Variants in ATP9B observed in about 807,000 individuals in gnomAD.
ATP9B encodes ATPase phospholipid transporting 9B.
In ATP9B, 110 loss-of-function variants were observed where a neutral mutation model predicts 146.1. The observed-to-expected ratio is 0.75, with a 90% CI of 0.65 to 0.88. The LOEUF is 0.88. Among genes scored for constraint, ATP9B ranks in the 40% least tolerant of loss-of-function variants. The pLI, the probability that ATP9B is intolerant of heterozygous loss-of-function variation, is 0.00. For synonymous variants in ATP9B, 604 were observed against 569.7 expected (o/e 1.06, Z -0.86); for missense variants, 1,499 against 1,496.4 (o/e 1.00, Z -0.03).
At chr18:79,334,617 C>G (rs2096811078) in intron 17 of ATP9B, among the ~76,000 whole-genome samples, 1 of 151,546 alleles carries the variant, frequency 6.6e-6, no homozygotes, top group African/African-American at 2.4e-5. Context: ...CCGACACCCC[C>G]TGGGGCTGTC....
At chr18:79,107,978 A>G (rs935704867) in intron 2 of ATP9B, among the ~76,000 whole-genome samples, 1 of 152,182 alleles carries the variant, frequency 6.6e-6, no homozygotes, top group Non-Finnish European at 1.5e-5. Flanking sequence ...GTGTAGTTGC[A>G]GTTGTCTGAG....
chr18:79,198,340 A>C (rs759199088), intron 9 of ATP9B, among the ~76,000 whole-genome samples: 53 of 152,320 alleles, frequency 3.5e-4, no homozygotes, highest in Middle Eastern at 3.4e-3. Flanking sequence ...TACCAACACT[A>C]ATCAAAGCTG....
intron 11 of ATP9B, among the ~76,000 whole-genome samples, chr18:79,218,253 GCTT>G (rs2095646417): frequency 6.6e-6 from 1 of 151,238 alleles, no homozygotes. Context: ...GGCAGCTCCT[GCTT>G]CTTGTCATAT....
At position 79,069,508 on chromosome 18, in the gene ATP9B, C is replaced by T; in HGVS notation, c.98C>T (p.Pro33Leu). 6.9e-7 allele frequency: 1 copy of T among 1,439,500 alleles called. No individual in the cohort carries two copies. Among genetic ancestry groups the T allele is most frequent in the East Asian group, 3.0e-5 (1 of 32,806 alleles). 89.2% of individuals were successfully genotyped at this position (1,439,500 alleles called of 1,614,324 possible). ...TACTACAGCGCCGCGGGGCCCAGGC[C>T]GGGAGCCGACCGGCACAGCAGGTAA... ...AAYYSAAGPR[P>L]GADRHSRYQL... The change falls in exon 1 of 30, where the codon CCG becomes CTG. Residue 33 changes from proline (P) to leucine (L), a missense_variant. By Grantham distance (98) the Pro-to-Leu change is moderately conservative. Transcript: ENST00000426216.
intron 7 of ATP9B, among the ~76,000 whole-genome samples, chr18:79,175,821 C>T (rs1293940704): frequency 2.0e-5 from 3 of 152,100 alleles, no homozygotes; most frequent in Admixed American, 2.0e-4. Flanking sequence ...GTTAGCCATG[C>T]ACGCGCACAC....
intron 19 of ATP9B, 115 bp downstream of exon 19, chr18:79,337,564 T>G: frequency 7.2e-7 from 1 of 1,398,104 alleles, no homozygotes; most frequent in Non-Finnish European, 9.5e-7. Context: ...GAGAGAGCTC[T>G]GTAAGCAGAG....
chr18:79,149,100 A>G (rs1320247214), intron 6 of ATP9B, among the ~76,000 whole-genome samples: 3 of 152,220 alleles, frequency 2.0e-5, no homozygotes, highest in Non-Finnish European at 4.4e-5. Flanking sequence ...ATTGTTTTGT[A>G]CACTTAATAC....
In ATP9B at chr18:79,347,768, A is replaced by G. The variant is rs2096898422; in HGVS notation, c.2683-2A>G. 2 of 1,546,926 alleles carry G rather than the reference A, an allele frequency of 1.3e-6. No homozygotes were observed. Among genetic ancestry groups the G allele is most frequent in the Non-Finnish European group, 1.7e-6 (2 of 1,148,352 alleles). On this transcript the variant is annotated splice_acceptor_variant, in intron 23 of 29. Transcript: ENST00000426216. LOFTEE classifies it high-confidence loss of function. The stretch of plus-strand genomic sequence containing the variant: ...AAAAGGCCCCGTGTGCTTTTCTCTC[A>G]GGAGGGTAAACAGGCCTCGCTGGCG...
At chr18:79,245,498 T>C (rs1413630046) in intron 11 of ATP9B, among the ~76,000 whole-genome samples, 1 of 152,098 alleles carries the variant, frequency 6.6e-6, no homozygotes, top group Non-Finnish European at 1.5e-5. Context: ...TCAACTTAGT[T>C]TTTAGCTCTG....
chr18:79,070,785 C>G (rs186786857), intron 1 of ATP9B, among the ~76,000 whole-genome samples: 87 of 151,848 alleles, frequency 5.7e-4, no homozygotes, highest in Non-Finnish European at 2.4e-4. Flanking sequence ...TTTCTTTGCT[C>G]TAAAATCTTT....
intron 25 of ATP9B, among the ~76,000 whole-genome samples, chr18:79,348,750 C>T (rs2096906289): frequency 6.6e-6 from 1 of 152,182 alleles, no homozygotes; most frequent in East Asian, 1.9e-4. Context: ...CTGAAGTGGG[C>T]GTGGGTGGAT....
chr18:79,364,167 G>C (rs2097011340), intron 26 of ATP9B: 1 of 151,858 alleles, frequency 6.6e-6, no homozygotes, highest in Non-Finnish European at 1.5e-5. Context: ...ACGGGAGGCT[G>C]AGGCAGGAGA....
intron 9 of ATP9B, among the ~76,000 whole-genome samples, chr18:79,200,470 C>T (rs1037380198): frequency 3.3e-5 from 5 of 152,066 alleles, no homozygotes; most frequent in African/African-American, 1.2e-4. Flanking sequence ...GAAGTTGACC[C>T]CATTGATAGA....
chr18:79,136,283 CT>C (rs1170877107), intron 5 of ATP9B, among the ~76,000 whole-genome samples: 1 of 152,144 alleles, frequency 6.6e-6, no homozygotes, highest in Admixed American at 6.5e-5. Flanking sequence ...AATATTTAAT[CT>C]TTTGACCCAT....
intron 11 of ATP9B, among the ~76,000 whole-genome samples, chr18:79,251,088 C>A (rs901167434): frequency 4.6e-5 from 7 of 152,222 alleles, no homozygotes; most frequent in Admixed American, 3.3e-4. Context: ...TTAATTGTTA[C>A]ATTAGAATCA....
chr18:79,125,434 G>T (rs1203277110), intron 4 of ATP9B, among the ~76,000 whole-genome samples: 2 of 152,196 alleles, frequency 1.3e-5, no homozygotes, highest in Non-Finnish European at 2.9e-5. Context: ...ACATTCTTCA[G>T]CAGCACACTT....
intron 13 of ATP9B, among the ~76,000 whole-genome samples, chr18:79,286,788 G>A (rs973066648): frequency 1.4e-4 from 20 of 146,602 alleles, no homozygotes; most frequent in Non-Finnish European, 2.1e-4. Flanking sequence ...TTTGAGATAC[G>A]TCCCATCAAT....
chr18:79,148,950 C>G (rs2094637500), intron 6 of ATP9B, among the ~76,000 whole-genome samples: 1 of 152,120 alleles, frequency 6.6e-6, no homozygotes, highest in South Asian at 2.1e-4. Flanking sequence ...ATTAAAAATG[C>G]AGTACTCTTA....
At chr18:79,261,372 A>G (rs2096139719) in intron 12 of ATP9B, among the ~76,000 whole-genome samples, 1 of 152,174 alleles carries the variant, frequency 6.6e-6, no homozygotes, top group African/African-American at 2.4e-5. Flanking sequence ...GAATTAGAGT[A>G]GGCCCTCATT....
Sources: allele counts gnomAD v4.1 joint callset (sites outside exome capture counted in the v4.1 genomes callset), GRCh38; gene constraint gnomAD v4.1.1; transcripts MANE v1.5; gene names NCBI Gene and HGNC (gene_info 2026-07-23, HGNC 2026-07-21).